IRS1: variants seen among roughly 807,000 people sequenced by gnomAD.
IRS1 encodes insulin receptor substrate 1.
Under a neutral mutation model 65.6 loss-of-function variants are expected in IRS1, and 34 were observed. The ratio of observed to expected loss-of-function variants is 0.52; its 90% CI spans 0.39 to 0.69. IRS1 has a LOEUF of 0.69. IRS1 is among the 30% of genes least tolerant of loss of function. The pLI is 0.00. For missense variants in IRS1, 1,641 were observed against 1,720.2 expected (o/e 0.95, Z 0.81); for synonymous variants, 699 against 683.5 (o/e 1.02, Z -0.35).
intron 1 of IRS1, among the ~76,000 whole-genome samples, chr2:226,740,579 T>C (rs1198927042): frequency 1.3e-5 from 2 of 152,224 alleles, no homozygotes; most frequent in South Asian, 2.1e-4. Flanking sequence ...ATAAGTGTGA[T>C]GGAAAGATCT....
chr2:226,751,272 G>GTTTTTT (rs1559148793), intron 1 of IRS1, among the ~76,000 whole-genome samples: 1 of 120,658 alleles, frequency 8.3e-6, no homozygotes, highest in African/African-American at 3.3e-5. Flanking sequence ...CTCCACACGG[G>GTTTTTT]TATTTTTTTT....
chr2:226,798,365 G>T lies in IRS1; in HGVS notation c.374C>A (p.Ala125Glu), dbSNP rs768966933. 1.2e-6 allele frequency: 2 copies of T among 1,613,698 alleles called. No individual in the cohort carries two copies. The highest frequency in any genetic ancestry group is 3.3e-5 in the Admixed American group (2 of 60,012). Residue 125 changes from alanine (A) to glutamate (E), a missense_variant, in exon 1 of 2, where the codon GCG becomes GAG. Ala to Glu is a moderately radical substitution (Grantham distance 107, BLOSUM62 -1). Coordinates refer to ENST00000305123, the MANE Select transcript of IRS1 (RefSeq NM_005544.3). This position sits in a 1 kb window ranked among gnomAD's most constrained non-coding sequence, Gnocchi z 9.4. ...NRAKGHHDGA[A>E]ALGAGGGGGS... ...CCCACCACCTCCCGCCCCGAGGGCC[G>T]CAGCTCCGTCGTGGTGGCCCTTAGC...
chr2:226,748,033 GATA>G (rs766896366), intron 1 of IRS1, among the ~76,000 whole-genome samples: 2 of 151,376 alleles, frequency 1.3e-5, no homozygotes, highest in Non-Finnish European at 2.9e-5. Flanking sequence ...AGCTCAGGGA[GATA>G]ATGAGATAAG....
intron 1 of IRS1, among the ~76,000 whole-genome samples, chr2:226,751,430 C>A (rs1471038105): frequency 3.3e-5 from 5 of 151,894 alleles, no homozygotes; most frequent in Non-Finnish European, 7.4e-5. Flanking sequence ...ACTACAGGCG[C>A]CTGCCACGAC....
chr2:226,769,378 C>T (rs1236647721), intron 1 of IRS1, among the ~76,000 whole-genome samples: 1 of 152,140 alleles, frequency 6.6e-6, no homozygotes, highest in African/African-American at 2.4e-5. Context: ...CAGTGACCGG[C>T]AAGGAAACAG....
At position 226,799,343 on chromosome 2, in the gene IRS1, C is replaced by A; in HGVS notation, c.-605G>T. On this transcript the variant is annotated 5_prime_UTR_variant, in exon 1 of 2. Transcript: ENST00000305123. The surrounding 1 kb of genome is among the most constrained non-coding windows in gnomAD (Gnocchi z 6.1). ...CAAATACCAGCTCAGTCGCAGAGAC[C>A]GCGGCGCTGCGGCTGTTGCTGTTGC... is the stretch of plus-strand genomic sequence containing the variant. 1.6e-6 allele frequency: 2 copies of A among 1,251,412 alleles called. No homozygotes were observed. The highest frequency in any genetic ancestry group is 2.1e-6 in the Non-Finnish European group (2 of 965,084). The allele number at this position is 1,251,412 out of a possible 1,614,324, so 77.5% of individuals were successfully genotyped here. A position where few individuals can be genotyped will look rare whatever the true frequency, so the allele number is the denominator to read the frequency against.
rs551422710 is a variant in IRS1, at chr2:226,773,377, G to A, written c.*21+21612C>T. On this transcript the variant is annotated intron_variant, in intron 1 of 1. Transcript: ENST00000305123. Reference sequence around the variant, plus strand: ...TACAGACAGCCAAACTGATTATAAGGGAAGGTGTTTGAAATATTACACATG... The same window carrying A: ...TACAGACAGCCAAACTGATTATAAGAGAAGGTGTTTGAAATATTACACATG... 2.6e-5 allele frequency among the ~76,000 whole-genome samples: 4 copies of A among 152,166 alleles called. No individual in the cohort carries two copies. In the East Asian group the frequency reaches 7.7e-4, roughly 29 times the overall value.
chr2:226,763,292 G>T (rs998157621), intron 1 of IRS1, among the ~76,000 whole-genome samples: 1 of 152,000 alleles, frequency 6.6e-6, no homozygotes, highest in Non-Finnish European at 1.5e-5. Context: ...CATTTTTGGG[G>T]TTTTTCTTTT....
At chr2:226,772,766 C>A (rs1314378813) in intron 1 of IRS1, among the ~76,000 whole-genome samples, 1 of 151,666 alleles carries the variant, frequency 6.6e-6, no homozygotes. Context: ...GAACTGAAAC[C>A]TAAAGCTTAT....
intron 1 of IRS1, among the ~76,000 whole-genome samples, chr2:226,740,374 C>T (rs1421876687): frequency 6.6e-6 from 1 of 152,112 alleles, no homozygotes; most frequent in African/African-American, 2.4e-5. Context: ...AATAAGTCAA[C>T]ACTTGAGCAA....
At chr2:226,753,861 T>C (rs1420117994) in intron 1 of IRS1, among the ~76,000 whole-genome samples, 3 of 152,160 alleles carry the variant, frequency 2.0e-5, no homozygotes, top group Non-Finnish European at 4.4e-5. Flanking sequence ...GATTGATTGA[T>C]TGATTGATTA....
chr2:226,794,947 A>C lies in IRS1; in HGVS notation c.*21+42T>G. 6.5e-7 allele frequency: 1 copy of C among 1,543,764 alleles called. No homozygotes were observed. Among genetic ancestry groups the C allele is most frequent in the South Asian group, 1.1e-5 (1 of 89,616 alleles). On this transcript the variant is annotated intron_variant, in intron 1 of 1. Transcript: ENST00000305123. This position sits in a 1 kb window ranked among gnomAD's most constrained non-coding sequence, Gnocchi z 4.1. ...AAGAACAGAATTCAAGGACAAGGTT[A>C]AAAGCAGTTTTGTCTTCTGACTTTG...
intron 1 of IRS1, among the ~76,000 whole-genome samples, chr2:226,773,716 T>C (rs1939206600): frequency 6.6e-6 from 1 of 152,044 alleles, no homozygotes; most frequent in Non-Finnish European, 1.5e-5. Context: ...TGTGCTTTTG[T>C]GAACTCCTTC....
intron 1 of IRS1, among the ~76,000 whole-genome samples, chr2:226,744,866 T>C (rs1057393330): frequency 1.3e-5 from 2 of 152,114 alleles, no homozygotes; most frequent in African/African-American, 4.8e-5. Context: ...TTTTCCTTTC[T>C]GCATTGAGGA....
chr2:226,783,238 G>C (rs975143665), intron 1 of IRS1, among the ~76,000 whole-genome samples: 3 of 152,156 alleles, frequency 2.0e-5, no homozygotes, highest in Non-Finnish European at 2.9e-5. Flanking sequence ...ATCAAGACCT[G>C]AATCTGCACT....
At chr2:226,742,255 G>A (rs1168966831) in intron 1 of IRS1, among the ~76,000 whole-genome samples, 1 of 152,168 alleles carries the variant, frequency 6.6e-6, no homozygotes, top group African/African-American at 2.4e-5. Flanking sequence ...CAACTCTAAG[G>A]CCTTCAGATC....
intron 1 of IRS1, among the ~76,000 whole-genome samples, chr2:226,777,245 G>T (rs1939292901): frequency 6.6e-6 from 1 of 151,988 alleles, no homozygotes; most frequent in Admixed American, 6.6e-5. Flanking sequence ...CTAGGTATGG[G>T]GTACATAGTA....
At chr2:226,770,381 C>T (rs1939139276) in intron 1 of IRS1, among the ~76,000 whole-genome samples, 2 of 152,206 alleles carry the variant, frequency 1.3e-5, no homozygotes, top group Admixed American at 1.3e-4. Context: ...AACTCCTCCA[C>T]CCTGCCTAAT....
intron 1 of IRS1, among the ~76,000 whole-genome samples, chr2:226,775,725 A>G (rs1162574952): frequency 2.6e-5 from 4 of 152,212 alleles, no homozygotes; most frequent in Non-Finnish European, 5.9e-5. Context: ...TGTGCCTACC[A>G]AAATCCATGG....
Sources: gnomAD v4.1 joint callset for allele counts (sites outside exome capture counted in the v4.1 genomes callset) on GRCh38, gnomAD v4.1.1 for gene constraint, Gnocchi (gnomAD v3.1) non-coding constraint, MANE v1.5 for transcripts, NCBI Gene and HGNC (gene_info 2026-07-23, HGNC 2026-07-21) for gene names.